Variants in USP6NL observed in about 807,000 individuals in gnomAD.
USP6NL encodes the protein USP6 N-terminal-like protein.
Under a neutral mutation model 61.9 loss-of-function variants are expected in USP6NL, and 26 were observed. That is an observed-to-expected ratio of 0.42 (90% confidence interval 0.31 to 0.58). The LOEUF is 0.58. Among genes scored for constraint, USP6NL ranks in the 20% least tolerant of loss-of-function variants. The pLI is 0.16. For missense variants in USP6NL, 1,114 were observed against 1,034.3 expected, an observed-to-expected ratio of 1.08 and a Z score of -1.06; for synonymous variants, 432 against 390.1, an observed-to-expected ratio of 1.11 and a Z score of -1.27.
intron 4 of USP6NL, among the ~76,000 whole-genome samples, chr10:11,523,061 G>A (rs1835272703): frequency 6.6e-6 from 1 of 152,174 alleles, no homozygotes; most frequent in Non-Finnish European, 1.5e-5. Context: ...AAAGAGCACA[G>A]AACAGTGCTC....
rs565454361 is a variant in USP6NL at position 11,547,933 on chromosome 10, AAATT to A, written c.5-20370_5-20367del. ...TGGATTTTTAAAAAGTTAAAGTTAA[AAATT>A]AATTTTAAAAATTAATTCTTAAAAA... On this transcript the variant is annotated intron_variant, in intron 2 of 14. Transcript: ENST00000609104. Among the ~76,000 whole-genome samples the A allele has an allele frequency of 3.3e-5, 5 of 152,344 alleles. No individual in the cohort carries two copies. The South Asian group carries it at 1.0e-3, about 32-fold the overall frequency.
intron 2 of USP6NL, among the ~76,000 whole-genome samples, 178 bp from the exon 3 acceptor site, chr10:11,527,745 A>G (rs1181184412): frequency 6.6e-6 from 1 of 152,252 alleles, no homozygotes; most frequent in Non-Finnish European, 1.5e-5. Flanking sequence ...ATAGCAATAC[A>G]TGTAATATTC....
chr10:11,508,081 T>G (rs1034503715), intron 6 of USP6NL, among the ~76,000 whole-genome samples: 4 of 152,190 alleles, frequency 2.6e-5, no homozygotes, highest in African/African-American at 9.6e-5. Flanking sequence ...AAAGAAAGGA[T>G]TATACTGAAA....
Position 11,465,226 on chromosome 10 carries a change from T to A in USP6NL, c.1079-1377A>T, listed in dbSNP as rs767893230. Among the ~76,000 whole-genome samples the A allele has an allele frequency of 7.9e-4, 120 of 152,242 alleles. No homozygotes were observed. Among genetic ancestry groups the A allele is most frequent in the Non-Finnish European group, 1.4e-3 (93 of 68,050 alleles). ...CTAAGGGCAGAACCCAGTAATCTGATTGGCTAATTCAGTGGCTGGCTGATA... is the reference window on the plus strand; with the variant it reads ...CTAAGGGCAGAACCCAGTAATCTGAATGGCTAATTCAGTGGCTGGCTGATA... On this transcript the variant is annotated intron_variant, in intron 14 of 14. Transcript: ENST00000609104. This position sits in a 1 kb window ranked among gnomAD's most constrained non-coding sequence, Gnocchi z 4.5.
rs746803897 is a variant in USP6NL, at chr10:11,463,200, G to A, written c.1728C>T (p.Ser576=). ...EEALERAYSQ[S]PRHALYPPSP... is the part of the protein sequence containing the mutation. ...TAGGAGGGTAAAGGGCATGCCGGGG[G>A]CTCTGGGAGTAAGCCCTTTCCAGCG... The change falls in exon 15 of 15, where the codon AGC becomes AGT. Residue 576 remains serine, a synonymous_variant. Coordinates refer to ENST00000609104, the MANE Select transcript of USP6NL (RefSeq NM_014688.5). The surrounding 1 kb of genome is among the most constrained non-coding windows in gnomAD (Gnocchi z 6.3). 34 of 1,613,330 alleles carry A rather than the reference G, an allele frequency of 2.1e-5. No individual in the cohort carries two copies. The highest frequency in any genetic ancestry group is 1.1e-4 in the South Asian group (10 of 91,094).
At chr10:11,480,973 G>T (rs1833172079) in intron 14 of USP6NL, among the ~76,000 whole-genome samples, 1 of 152,172 alleles carries the variant, frequency 6.6e-6, no homozygotes, top group South Asian at 2.1e-4. Flanking sequence ...TTCCTCCTGT[G>T]ATCTTTCGAC....
In USP6NL at chr10:11,585,199, C is replaced by T. The variant is rs1398158454; in HGVS notation, c.4+12432G>A. 2.0e-5 allele frequency among the ~76,000 whole-genome samples: 3 copies of T among 152,170 alleles called. No homozygotes were observed. Among genetic ancestry groups the T allele is most frequent in the African/African-American group, 4.8e-5 (2 of 41,506 alleles). On this transcript the variant is annotated intron_variant, in intron 2 of 14. Coordinates refer to ENST00000609104, the MANE Select transcript of USP6NL (RefSeq NM_014688.5). The surrounding 1 kb of genome is among the most constrained non-coding windows in gnomAD (Gnocchi z 4.5). ...ACTAGGATGGCTACTACCAACGAAA[C>T]AGAAAATAATAAGGGCTAGGAGGAT...
chr10:11,479,310 T>C (rs1288749657), intron 14 of USP6NL, among the ~76,000 whole-genome samples: 1 of 151,898 alleles, frequency 6.6e-6, no homozygotes, highest in Non-Finnish European at 1.5e-5. Flanking sequence ...AATAGAAAAA[T>C]GGGCAACAGA....
chr10:11,496,637 T>TA lies in USP6NL; in HGVS notation c.385-3410dup, dbSNP rs1283833368. Among the ~76,000 whole-genome samples the TA allele has an allele frequency of 6.6e-6, 1 of 152,210 alleles. No individual in the cohort carries two copies. Among genetic ancestry groups the TA allele is most frequent in the Non-Finnish European group, 1.5e-5 (1 of 68,034 alleles). Reference sequence around the variant, plus strand: ...TAATATAAATAAGAATTTATATACATATGTTATATTGACCTATTTACCATG... The same window carrying TA: ...TAATATAAATAAGAATTTATATACATAATGTTATATTGACCTATTTACCATG... On this transcript the variant is annotated intron_variant, in intron 7 of 14. Transcript: ENST00000609104. This position sits in a 1 kb window ranked among gnomAD's most constrained non-coding sequence, Gnocchi z 5.4.
chr10:11,564,152 C>T (rs1005691924), intron 2 of USP6NL: 3 of 152,164 alleles, frequency 2.0e-5, no homozygotes, highest in Non-Finnish European at 4.4e-5. Flanking sequence ...TTATTAATCA[C>T]TGCATCTGGT....
chr10:11,523,782 A>C (rs747354502), intron 4 of USP6NL, among the ~76,000 whole-genome samples: 1 of 152,258 alleles, frequency 6.6e-6, no homozygotes, highest in Non-Finnish European at 1.5e-5. Context: ...GATTTAAAAA[A>C]TAAAAATAAA....
rs527853967 is a variant in USP6NL at position 11,496,858 on chromosome 10, G to A, written c.385-3630C>T. Among the ~76,000 whole-genome samples the A allele has an allele frequency of 5.3e-5, 8 of 152,162 alleles. No individual in the cohort carries two copies. The South Asian group carries it at 1.7e-3, about 32-fold the overall frequency. ...TGTATGTTAAGTGTTTTATGAGTCT[G>A]TGTATTTTTGTGTATTGAAGGTCAG... On this transcript the variant is annotated intron_variant, in intron 7 of 14. Coordinates refer to ENST00000609104, the MANE Select transcript of USP6NL (RefSeq NM_014688.5). This position sits in a 1 kb window ranked among gnomAD's most constrained non-coding sequence, Gnocchi z 5.4.
chr10:11,541,273 ATATG>A (rs1322244187), intron 2 of USP6NL, among the ~76,000 whole-genome samples: 129 of 113,510 alleles, frequency 1.1e-3, no homozygotes, highest in African/African-American at 2.7e-3. Flanking sequence ...ATATATATAT[ATATG>A]TATGTCACTC....
Position 11,460,742 on chromosome 10 carries a change from T to A in USP6NL, c.*1699A>T, listed in dbSNP as rs1478749988. The A allele has an allele frequency of 6.6e-6, 1 of 151,488 alleles. No individual in the cohort carries two copies. Among genetic ancestry groups the A allele is most frequent in the African/African-American group, 2.4e-5 (1 of 41,218 alleles). The allele number at this position is 151,488 out of a possible 1,614,324, so 9.4% of individuals were successfully genotyped here. On this transcript the variant is annotated 3_prime_UTR_variant, in exon 15 of 15. Transcript: ENST00000609104. ...TATAAACTAAATTGTACAGCTTGGT[T>A]TATTACAAGTCACAGAATTATGGTT... is the stretch of plus-strand genomic sequence containing the variant.
chr10:11,541,259 A>G lies in USP6NL; in HGVS notation c.5-13692T>C, dbSNP rs1235712635. ...TATATATATATATATATATATATAT[A>G]TATATATATATATATATGTATGTCA... On this transcript the variant is annotated intron_variant, in intron 2 of 14. Transcript: ENST00000609104. Among the ~76,000 whole-genome samples the G allele has an allele frequency of 1.5e-3, 197 of 130,972 alleles. 2 individuals carry two copies. The highest frequency in any genetic ancestry group is 9.7e-3 in the South Asian group (39 of 4,006). 85.9% of individuals were successfully genotyped at this position (130,972 alleles called of 152,430 possible).
Position 11,553,006 on chromosome 10 carries a change from G to T in USP6NL, c.5-25439C>A, listed in dbSNP as rs1037875341. Among the ~76,000 whole-genome samples the T allele has an allele frequency of 1.3e-5, 2 of 152,136 alleles. No homozygotes were observed. The highest frequency in any genetic ancestry group is 1.3e-4 in the Admixed American group (2 of 15,280). On this transcript the variant is annotated intron_variant, in intron 2 of 14. Transcript: ENST00000609104. The surrounding 1 kb of genome is among the most constrained non-coding windows in gnomAD (Gnocchi z 4.8). Reference sequence around the variant, plus strand: ...CCACCTTTTGGAGTCTCCAATGTGTGTTCCTCTCTCTATGACTATGTGTAC... The same window carrying T: ...CCACCTTTTGGAGTCTCCAATGTGTTTTCCTCTCTCTATGACTATGTGTAC...
In USP6NL at chr10:11,492,421, C is replaced by A. The variant is rs1329170830; in HGVS notation, c.494+698G>T. Among the ~76,000 whole-genome samples, 3 of 152,222 alleles carry A rather than the reference C, an allele frequency of 2.0e-5. 1 individual carries two copies. Among genetic ancestry groups the A allele is most frequent in the African/African-American group, 4.8e-5 (2 of 41,460 alleles). On this transcript the variant is annotated intron_variant, in intron 8 of 14. Coordinates refer to ENST00000609104, the MANE Select transcript of USP6NL (RefSeq NM_014688.5). ...GAGAGATTATCCTAGAAGACCTGGG[C>A]AGGCCTCATTCAATCTGTTGAAAGG... is the stretch of plus-strand genomic sequence containing the variant.
intron 2 of USP6NL, among the ~76,000 whole-genome samples, chr10:11,576,306 A>G (rs1566193064): frequency 6.6e-6 from 1 of 152,198 alleles, no homozygotes; most frequent in Non-Finnish European, 1.5e-5. Context: ...GTGGGACAAC[A>G]TAGGTGGATC....
chr10:11,489,503 A>G lies in USP6NL; in HGVS notation c.544-281T>C, dbSNP rs1302582589. On this transcript the variant is annotated intron_variant, in intron 9 of 14. Coordinates refer to ENST00000609104, the MANE Select transcript of USP6NL (RefSeq NM_014688.5). The surrounding 1 kb of genome is among the most constrained non-coding windows in gnomAD (Gnocchi z 5.7). ...CTTTCTTTAAAGAGTGATAATATTT[A>G]TTTCACTTTATGTATGATTCTTAGC... Among the ~76,000 whole-genome samples the G allele has an allele frequency of 6.6e-6, 1 of 152,212 alleles. No individual in the cohort carries two copies. Among genetic ancestry groups the G allele is most frequent in the Non-Finnish European group, 1.5e-5 (1 of 68,036 alleles).
Sources: gnomAD v4.1 joint callset for allele counts (sites outside exome capture counted in the v4.1 genomes callset) on GRCh38, gnomAD v4.1.1 for gene constraint, Gnocchi (gnomAD v3.1) non-coding constraint, MANE v1.5 for transcripts, NCBI Gene and HGNC (gene_info 2026-07-23, HGNC 2026-07-21) for gene names.